The following MYT1L variants were observed in gnomAD, a reference collection of about 807,000 sequenced individuals.
MYT1L encodes the protein myelin transcription factor 1-like protein.
MYT1L carries 12 observed loss-of-function variants against 126.7 expected under a neutral mutation model. The observed-to-expected ratio is 0.09, with a 90% confidence interval of 0.06 to 0.15. The LOEUF is 0.15. MYT1L is among the 10% of genes least tolerant of loss of function. The probability of loss-of-function intolerance (pLI) is 1.00; values close to 1 mark genes in which losing one functional copy is unlikely to be tolerated. For synonymous variants in MYT1L, 541 were observed against 604.2 expected (o/e 0.90, Z 1.53); for missense variants, 979 against 1,585.2 (o/e 0.62, Z 6.49).
rs17039267 is a variant in MYT1L at position 2,001,820 on chromosome 2, G to A, written c.-157-4473C>T. On this transcript the variant is annotated intron_variant, in intron 4 of 24. Coordinates refer to ENST00000647738, the MANE Select transcript of MYT1L (RefSeq NM_001303052.2). Reference sequence around the variant, plus strand: ...AGGGTTCAGCTGAAGAAAAGGCCTCGTTCCAACCTGGTACCCCGGGGATTC... The same window carrying A: ...AGGGTTCAGCTGAAGAAAAGGCCTCATTCCAACCTGGTACCCCGGGGATTC... 7.1e-3 allele frequency among the ~76,000 whole-genome samples: 1,079 copies of A among 152,262 alleles called. 10 individuals are homozygous for A. Among genetic ancestry groups the A allele is most frequent in the African/African-American group, 0.024 (1,011 of 41,530 alleles).
In MYT1L at chr2:1,910,430, G is replaced by A; in HGVS notation, c.1710-83C>T. The stretch of plus-strand genomic sequence containing the variant: ...AATCCTCCCTTAGCACCAAGACCCT[G>A]ATGCAGGTGGAGCTGGTGAGGGAGG... On this transcript the variant is annotated intron_variant, in intron 12 of 24. Transcript: ENST00000647738. This position sits in a 1 kb window ranked among gnomAD's most constrained non-coding sequence, Gnocchi z 4.8. 1 of 1,268,896 alleles carries A rather than the reference G, an allele frequency of 7.9e-7. No individual in the cohort carries two copies. Among genetic ancestry groups the A allele is most frequent in the Non-Finnish European group, 1.1e-6 (1 of 892,072 alleles). The allele number at this position is 1,268,896 out of a possible 1,614,324, so 78.6% of individuals were successfully genotyped here.
intron 2 of MYT1L, among the ~76,000 whole-genome samples, chr2:2,230,302 C>A (rs149834314): frequency 6.6e-6 from 1 of 152,176 alleles, no homozygotes; most frequent in East Asian, 1.9e-4. Flanking sequence ...TCAGCTGCAG[C>A]GTCTGTTTCC....
intron 22 of MYT1L, among the ~76,000 whole-genome samples, chr2:1,805,074 C>T (rs1440476629): frequency 6.6e-6 from 1 of 152,166 alleles, no homozygotes; most frequent in Non-Finnish European, 1.5e-5. Context: ...AACAGCCACG[C>T]CGGCTGCTCA....
chr2:1,839,383 A>G lies in MYT1L; in HGVS notation c.2859-13T>C. ...GGGGACCGGACACCTGTAGGCAGGC[A>G]GAGGTGACACACTTTATTGTCTGGC... On this transcript the variant is annotated splice_polypyrimidine_tract_variant and intron_variant, in intron 20 of 24. Coordinates refer to ENST00000647738, the MANE Select transcript of MYT1L (RefSeq NM_001303052.2). The G allele has an allele frequency of 6.2e-7, 1 of 1,608,484 alleles. No individual in the cohort carries two copies. The highest frequency in any genetic ancestry group is 8.5e-7 in the Non-Finnish European group (1 of 1,176,280).
intron 8 of MYT1L, among the ~76,000 whole-genome samples, chr2:1,958,766 C>A (rs2058722588): frequency 6.7e-6 from 1 of 149,024 alleles, no homozygotes; most frequent in Non-Finnish European, 1.5e-5. Flanking sequence ...CTGCAGAGGC[C>A]CCTTCTTCTA....
intron 4 of MYT1L, among the ~76,000 whole-genome samples, chr2:2,017,738 A>C (rs1404150786): frequency 6.6e-6 from 1 of 152,096 alleles, no homozygotes; most frequent in Non-Finnish European, 1.5e-5. Context: ...CCATCCATCC[A>C]TCCATCCATC....
intron 3 of MYT1L, among the ~76,000 whole-genome samples, chr2:2,097,137 A>G (rs1345931502): frequency 6.6e-6 from 1 of 151,976 alleles, no homozygotes; most frequent in Admixed American, 6.5e-5. Flanking sequence ...CTTTAAACCC[A>G]GTGTTCATTG....
chr2:2,093,839 C>T (rs1360850062), intron 3 of MYT1L, among the ~76,000 whole-genome samples: 2 of 152,148 alleles, frequency 1.3e-5, no homozygotes, highest in Non-Finnish European at 2.9e-5. Flanking sequence ...ACATTTAAGT[C>T]TTTAATCCAT....
intron 4 of MYT1L, among the ~76,000 whole-genome samples, chr2:2,041,006 C>T (rs143176657): frequency 0.013 from 1,966 of 152,182 alleles, 39 homozygotes; most frequent in African/African-American, 0.045. Flanking sequence ...AAAATAATTT[C>T]TTTTATTACA....
chr2:2,206,333 C>A lies in MYT1L; in HGVS notation c.-420-33345G>T, dbSNP rs567614164. 3.3e-5 allele frequency among the ~76,000 whole-genome samples: 5 copies of A among 152,266 alleles called. No homozygotes were observed. The East Asian group carries it at 9.6e-4, about 29-fold the overall frequency. On this transcript the variant is annotated intron_variant, in intron 2 of 24. Transcript: ENST00000647738. ...ATCTATTTGTACCATTCACCTTTTTCTTTTATTGCTGTTTACCTAATGAAG... is the reference window on the plus strand; with the variant it reads ...ATCTATTTGTACCATTCACCTTTTTATTTTATTGCTGTTTACCTAATGAAG...
At chr2:2,121,961 G>A (rs1212885705) in intron 3 of MYT1L, among the ~76,000 whole-genome samples, 1 of 152,152 alleles carries the variant, frequency 6.6e-6, no homozygotes, top group African/African-American at 2.4e-5. Context: ...TGCCGGCCCC[G>A]ATGGCAGGGA....
chr2:1,953,555 C>A (rs778997258), intron 8 of MYT1L, among the ~76,000 whole-genome samples: 1 of 152,228 alleles, frequency 6.6e-6, no homozygotes, highest in Non-Finnish European at 1.5e-5. Context: ...ATCTAAGTGT[C>A]AACCACCTCG....
At chr2:2,162,994 G>A (rs2088278777) in intron 3 of MYT1L, among the ~76,000 whole-genome samples, 1 of 152,184 alleles carries the variant, frequency 6.6e-6, no homozygotes, top group Non-Finnish European at 1.5e-5. Context: ...AAGTAGAAGT[G>A]GAGGCCTTCA....
At chr2:2,152,226 G>A (rs968292640) in intron 3 of MYT1L, among the ~76,000 whole-genome samples, 2 of 152,382 alleles carry the variant, frequency 1.3e-5, no homozygotes. Context: ...CACTAGGGAC[G>A]AACTGCTGGG....
chr2:2,217,430 C>T (rs2093708047), intron 2 of MYT1L, among the ~76,000 whole-genome samples: 1 of 151,922 alleles, frequency 6.6e-6, no homozygotes, highest in African/African-American at 2.4e-5. Context: ...TGCCTGTAAT[C>T]CCAGCACTTT....
intron 23 of MYT1L, among the ~76,000 whole-genome samples, chr2:1,799,191 G>C (rs778814814): frequency 1.5e-4 from 23 of 152,184 alleles, no homozygotes; most frequent in Non-Finnish European, 2.8e-4. Flanking sequence ...ATTCATTTTT[G>C]ACATCAGGTC....
chr2:1,820,160 C>T (rs1351185288), intron 21 of MYT1L, among the ~76,000 whole-genome samples: 3 of 152,154 alleles, frequency 2.0e-5, no homozygotes, highest in African/African-American at 7.2e-5. Flanking sequence ...GGCTTGGTCA[C>T]CCATTGGATG....
intron 18 of MYT1L, among the ~76,000 whole-genome samples, chr2:1,880,089 C>T (rs1558254085): frequency 6.6e-6 from 1 of 152,188 alleles, no homozygotes. Flanking sequence ...CTGGGAGAGT[C>T]GAGCTCCCTA....
At chr2:2,051,852 T>C (rs1018969917) in intron 4 of MYT1L, among the ~76,000 whole-genome samples, 1 of 152,198 alleles carries the variant, frequency 6.6e-6, no homozygotes, top group African/African-American at 2.4e-5. Flanking sequence ...TAAGAAACCC[T>C]GTTTCTGTCT....
Sources: allele counts gnomAD v4.1 joint callset (sites outside exome capture counted in the v4.1 genomes callset), GRCh38; gene constraint gnomAD v4.1.1; non-coding constraint Gnocchi (gnomAD v3.1); transcripts MANE v1.5; gene names NCBI Gene and HGNC (gene_info 2026-07-23, HGNC 2026-07-21).